Variants in SMYD3 observed in about 807,000 individuals in gnomAD.
The protein encoded by SMYD3 is histone-lysine N-methyltransferase SMYD3.
SMYD3 carries 36 observed loss-of-function variants against 57.7 expected under a neutral mutation model. That is an observed-to-expected ratio of 0.62 (90% confidence interval 0.48 to 0.82). SMYD3 has a LOEUF of 0.82. Ranked by LOEUF, SMYD3 falls within the 40% of genes least tolerant of loss-of-function variation. The pLI is 0.00. For synonymous variants in SMYD3, 211 were observed against 195.0 expected (o/e 1.08, Z -0.68); for missense variants, 515 against 538.8 (o/e 0.96, Z 0.44).
In SMYD3 at chr1:245,772,423, G is replaced by A. The variant is rs149365172; in HGVS notation, c.1077-8274C>T. Among the ~76,000 whole-genome samples the A allele has an allele frequency of 5.2e-3, 798 of 152,282 alleles. 4 individuals carry two copies. The highest frequency in any genetic ancestry group is 0.017 in the African/African-American group (708 of 41,546). On this transcript the variant is annotated intron_variant, in intron 10 of 11. Transcript: ENST00000490107. ...CCAGTGCTTTGGGAGGCCAAGGAGA[G>A]AAGACTGCTCCAGGGCAGGAGTTCA...
intron 1 of SMYD3, among the ~76,000 whole-genome samples, chr1:246,393,888 T>C (rs2066613132): frequency 6.6e-6 from 1 of 152,014 alleles, no homozygotes; most frequent in East Asian, 1.9e-4. Flanking sequence ...GTCTTATTTC[T>C]AACTCTGAAC....
At chr1:245,929,818 T>C in intron 6 of SMYD3, 52 bp downstream of exon 6, 2 of 1,433,752 alleles carry the variant, frequency 1.4e-6, no homozygotes, top group South Asian at 1.1e-5. Context: ...GCTGGGGATT[T>C]GGGTGGGAAT....
intron 1 of SMYD3, among the ~76,000 whole-genome samples, chr1:246,375,980 TC>T (rs2066270560): frequency 6.8e-6 from 1 of 146,802 alleles, no homozygotes; most frequent in Admixed American, 6.7e-5. Context: ...TCCACCAGCC[TC>T]AGCCTCCCAA....
chr1:245,956,108 G>A, intron 5 of SMYD3: 1 of 970,004 alleles, frequency 1.0e-6, no homozygotes, highest in Non-Finnish European at 1.2e-6. Context: ...TTCAGAGATG[G>A]GGTCTCATTT....
At chr1:246,058,714 T>C (rs140848031) in intron 5 of SMYD3, among the ~76,000 whole-genome samples, 4 of 152,296 alleles carry the variant, frequency 2.6e-5, no homozygotes, top group East Asian at 1.9e-4. Context: ...ACAGAACTTA[T>C]AGCAGCTCAC....
In SMYD3 at chr1:246,273,135, C is replaced by CTTT. The variant is rs71299006; in HGVS notation, c.531+54063_531+54065dup. On this transcript the variant is annotated intron_variant, in intron 5 of 11. Coordinates refer to ENST00000490107, the MANE Select transcript of SMYD3 (RefSeq NM_001167740.2). ...TGATTCATAATAATGTCCCTGTTTT[C>CTTT]TTTTTTTTTTTTTTTTTCTTTTTTT... Among the ~76,000 whole-genome samples the CTTT allele has an allele frequency of 3.8e-4, 41 of 107,602 alleles. 1 individual carries two copies. The highest frequency in any genetic ancestry group is 9.9e-4 in the African/African-American group (27 of 27,388). 70.6% of individuals were successfully genotyped at this position (107,602 alleles called of 152,430 possible).
At chr1:246,188,161 T>C (rs1423538013) in intron 5 of SMYD3, among the ~76,000 whole-genome samples, 2 of 152,338 alleles carry the variant, frequency 1.3e-5, no homozygotes, top group East Asian at 3.9e-4. Flanking sequence ...ACTATCAGAA[T>C]GTTGTCGTGT....
chr1:245,805,143 GGTAA>G (rs1324710619), intron 10 of SMYD3, among the ~76,000 whole-genome samples: 1 of 150,364 alleles, frequency 6.7e-6, no homozygotes, highest in Non-Finnish European at 1.5e-5. Flanking sequence ...AGAATTTCCT[GGTAA>G]GTGAGAATGA....
At chr1:246,023,551 G>A (rs992604806) in intron 5 of SMYD3, among the ~76,000 whole-genome samples, 1 of 152,020 alleles carries the variant, frequency 6.6e-6, no homozygotes, top group African/African-American at 2.4e-5. Context: ...GAAAAAAAAA[G>A]GACTTATGTT....
At chr1:245,817,966 G>A (rs372934947) in intron 10 of SMYD3, among the ~76,000 whole-genome samples, 1 of 152,146 alleles carries the variant, frequency 6.6e-6, no homozygotes, top group South Asian at 2.1e-4. Flanking sequence ...AAGTTGGAAA[G>A]CACTCTGCAG....
At chr1:246,456,467 C>T (rs1489033750) in intron 1 of SMYD3, among the ~76,000 whole-genome samples, 1 of 152,200 alleles carries the variant, frequency 6.6e-6, no homozygotes, top group Non-Finnish European at 1.5e-5. Context: ...ACCTGAATAT[C>T]TCACAGGCAC....
chr1:246,277,141 T>C (rs1377208273), intron 5 of SMYD3, among the ~76,000 whole-genome samples: 1 of 152,206 alleles, frequency 6.6e-6, no homozygotes, highest in East Asian at 1.9e-4. Context: ...AAAGGTGTTA[T>C]TTTGTGAACT....
At chr1:245,928,903 G>A (rs750594545) in intron 6 of SMYD3, among the ~76,000 whole-genome samples, 33 of 152,324 alleles carry the variant, frequency 2.2e-4, no homozygotes, top group South Asian at 2.1e-4. Context: ...TTACCTTGGA[G>A]GGACATTTCT....
Position 245,860,763 on chromosome 1 carries a change from A to T in SMYD3, c.902-2093T>A, listed in dbSNP as rs192194614. ...AAGCAGTATCTTAGGCAACGCACTGATTTTGTAACAGATTGCTGGGCTAAC... is the reference window on the plus strand; with the variant it reads ...AAGCAGTATCTTAGGCAACGCACTGTTTTTGTAACAGATTGCTGGGCTAAC... On this transcript the variant is annotated intron_variant, in intron 9 of 11. Transcript: ENST00000490107. Among the ~76,000 whole-genome samples, 226 of 152,328 alleles carry T rather than the reference A, an allele frequency of 1.5e-3. 1 individual carries two copies. The highest frequency in any genetic ancestry group is 5.2e-3 in the African/African-American group (217 of 41,564).
At chr1:246,003,198 G>A (rs1333407013) in intron 5 of SMYD3, among the ~76,000 whole-genome samples, 1 of 152,178 alleles carries the variant, frequency 6.6e-6, no homozygotes, top group East Asian at 1.9e-4. Flanking sequence ...ACCAGAAAGG[G>A]GAAAAACTCT....
intron 1 of SMYD3, among the ~76,000 whole-genome samples, chr1:246,387,881 T>TA (rs142341611): frequency 0.19 from 13,928 of 72,012 alleles, 2,990 homozygotes; most frequent in Admixed American, 0.24. Flanking sequence ...AGTCAGTTTC[T>TA]GGGGACCTCC....
At chr1:245,750,223 G>A (rs2045279926) in intron 11 of SMYD3, among the ~76,000 whole-genome samples, 1 of 152,092 alleles carries the variant, frequency 6.6e-6, no homozygotes, top group Non-Finnish European at 1.5e-5. Flanking sequence ...GGGCTTATGA[G>A]TACTTCAATA....
chr1:246,193,828 T>C (rs1238904381), intron 5 of SMYD3: 2 of 152,372 alleles, frequency 1.3e-5, no homozygotes, highest in Non-Finnish European at 1.5e-5. Flanking sequence ...CACGCTTCTT[T>C]TTCTCCCTCT....
chr1:246,460,801 A>T (rs1318092580), intron 1 of SMYD3, among the ~76,000 whole-genome samples: 1 of 152,230 alleles, frequency 6.6e-6, no homozygotes, highest in African/African-American at 2.4e-5. Flanking sequence ...TAATTAGCTA[A>T]ACAAATCCTT....
Sources: gnomAD v4.1 joint callset for allele counts (sites outside exome capture counted in the v4.1 genomes callset) on GRCh38, gnomAD v4.1.1 for gene constraint, MANE v1.5 for transcripts, NCBI Gene and HGNC (gene_info 2026-07-23, HGNC 2026-07-21) for gene names.